NRXN1: variants seen among roughly 807,000 people sequenced by gnomAD.
NRXN1 encodes neurexin 1.
Under a neutral mutation model 150.9 loss-of-function variants are expected in NRXN1, and 39 were observed. The observed-to-expected ratio is 0.26, with a 90% CI of 0.20 to 0.34. NRXN1 has a LOEUF of 0.34. Ranked by LOEUF, NRXN1 falls within the 10% of genes least tolerant of loss-of-function variation. The pLI, the probability that NRXN1 is intolerant of heterozygous loss-of-function variation, is 1.00. For synonymous variants in NRXN1, 924 were observed against 757.0 expected (o/e 1.22, Z -3.62); for missense variants, 1,815 against 1,949.9 (o/e 0.93, Z 1.30).
At chr2:50,446,717 C>A (rs76967606) in intron 17 of NRXN1, among the ~76,000 whole-genome samples, 3,025 of 152,042 alleles carry the variant, frequency 0.02, 120 homozygotes, top group African/African-American at 0.071. Context: ...GAATTGAAAT[C>A]CTCCTTTAAA....
At chr2:50,424,881 A>C (rs201461595) in intron 17 of NRXN1, among the ~76,000 whole-genome samples, 2 of 152,144 alleles carry the variant, frequency 1.3e-5, no homozygotes, top group Non-Finnish European at 2.9e-5. Flanking sequence ...CGTATTGCAT[A>C]ATATTTTTCT....
intron 5 of NRXN1, chr2:50,631,293 A>C (rs1039946092): frequency 3.3e-6 from 1 of 300,278 alleles, no homozygotes; most frequent in African/African-American, 2.4e-5. Context: ...CTCGAGACCA[A>C]TCCAGAAATA....
intron 21 of NRXN1, among the ~76,000 whole-genome samples, chr2:49,995,350 G>A (rs1682756195): frequency 6.6e-6 from 1 of 152,074 alleles, no homozygotes; most frequent in African/African-American, 2.4e-5. Context: ...TAATTATAGG[G>A]GTGTTGAAAT....
chr2:50,130,058 T>G (rs747695047), intron 18 of NRXN1, among the ~76,000 whole-genome samples: 17 of 152,198 alleles, frequency 1.1e-4, no homozygotes, highest in Non-Finnish European at 1.6e-4. Flanking sequence ...AGCAGGTTAT[T>G]ATTCCCGTTT....
chr2:51,013,585 C>G (rs1313803668), intron 2 of NRXN1, among the ~76,000 whole-genome samples: 2 of 151,328 alleles, frequency 1.3e-5, no homozygotes, highest in East Asian at 4.0e-4. Flanking sequence ...ATTTACATAA[C>G]TACAGAACTG....
At chr2:50,740,340 C>T (rs556036254) in intron 5 of NRXN1, among the ~76,000 whole-genome samples, 1 of 152,178 alleles carries the variant, frequency 6.6e-6, no homozygotes, top group Non-Finnish European at 1.5e-5. Context: ...TACACCCACC[C>T]AGCATCCTAG....
chr2:50,470,572 C>T (rs181802452), intron 16 of NRXN1, among the ~76,000 whole-genome samples: 81 of 151,760 alleles, frequency 5.3e-4, no homozygotes, highest in Non-Finnish European at 4.0e-4. Flanking sequence ...CTAAATATAA[C>T]GACATTATTT....
chr2:50,651,070 T>G (rs1305420102), intron 5 of NRXN1, among the ~76,000 whole-genome samples: 1 of 152,024 alleles, frequency 6.6e-6, no homozygotes, highest in Non-Finnish European at 1.5e-5. Flanking sequence ...CAGGTTCTTT[T>G]AATAAGAAAC....
chr2:50,779,236 C>A (rs1214075953), intron 5 of NRXN1, among the ~76,000 whole-genome samples: 1 of 133,226 alleles, frequency 7.5e-6, no homozygotes, highest in African/African-American at 2.9e-5. Context: ...CATGTGTTCT[C>A]ACTGTGCAAC....
intron 21 of NRXN1, among the ~76,000 whole-genome samples, chr2:50,045,067 A>G (rs1441980534): frequency 6.6e-6 from 1 of 152,128 alleles, no homozygotes; most frequent in Non-Finnish European, 1.5e-5. Context: ...ATGCTGAATA[A>G]AGGCAGAGAA....
chr2:50,912,381 G>A (rs2104116991), intron 5 of NRXN1: 1 of 152,002 alleles, frequency 6.6e-6, no homozygotes, highest in Admixed American at 6.6e-5. Context: ...GTTACATATT[G>A]CATGTGATTT....
intron 5 of NRXN1, among the ~76,000 whole-genome samples, chr2:50,793,709 G>C (rs994884558): frequency 3.3e-5 from 5 of 152,078 alleles, no homozygotes; most frequent in Non-Finnish European, 7.4e-5. Flanking sequence ...TACTGAGTAA[G>C]AATAGCCATT....
chr2:50,342,096 A>G lies in NRXN1; in HGVS notation c.3365-105126T>C, dbSNP rs1325795208. Among the ~76,000 whole-genome samples the G allele has an allele frequency of 2.0e-5, 3 of 152,214 alleles. No individual in the cohort carries two copies. The East Asian group carries it at 5.8e-4, about 29-fold the overall frequency. The stretch of plus-strand genomic sequence containing the variant: ...CATCCTTATTATTCTCTGGTCCTCC[A>G]TGGTACCTGGTACACAAATACAAAC... On this transcript the variant is annotated intron_variant, in intron 17 of 22. Coordinates refer to ENST00000401669, the MANE Select transcript of NRXN1 (RefSeq NM_001330078.2).
chr2:50,369,227 C>G (rs2079828136), intron 17 of NRXN1, among the ~76,000 whole-genome samples: 1 of 151,746 alleles, frequency 6.6e-6, no homozygotes, highest in African/African-American at 2.4e-5. Context: ...AGACAAGGGT[C>G]TATAAAAGGA....
intron 17 of NRXN1, among the ~76,000 whole-genome samples, chr2:50,296,531 T>TATTATC (rs1414146831): frequency 2.0e-5 from 3 of 149,784 alleles, no homozygotes; most frequent in African/African-American, 5.0e-5. Context: ...TTATTATTAT[T>TATTATC]ATTATCATTA....
At chr2:50,644,862 T>C (rs559809534) in intron 5 of NRXN1, among the ~76,000 whole-genome samples, 73 of 148,364 alleles carry the variant, frequency 4.9e-4, no homozygotes, top group Middle Eastern at 7.3e-3. Context: ...TATAAGGATA[T>C]ATAAATAAAA....
chr2:50,665,127 G>A (rs1687836454), intron 5 of NRXN1, among the ~76,000 whole-genome samples: 1 of 151,884 alleles, frequency 6.6e-6, no homozygotes, highest in Admixed American at 6.6e-5. Context: ...AAATGAAAAA[G>A]AGATTAAAGA....
At chr2:49,955,520 T>C (rs1210452160) in intron 21 of NRXN1, among the ~76,000 whole-genome samples, 1 of 152,082 alleles carries the variant, frequency 6.6e-6, no homozygotes, top group Non-Finnish European at 1.5e-5. Context: ...CTTCCTGCTT[T>C]TATGAAGCAT....
At chr2:50,215,640 T>G (rs2063343143) in intron 18 of NRXN1, among the ~76,000 whole-genome samples, 1 of 152,074 alleles carries the variant, frequency 6.6e-6, no homozygotes, top group South Asian at 2.1e-4. Flanking sequence ...TTTCTGTACC[T>G]TTTGAAGTTG....
Sources: gnomAD v4.1 joint callset for allele counts (sites outside exome capture counted in the v4.1 genomes callset) on GRCh38, gnomAD v4.1.1 for gene constraint, MANE v1.5 for transcripts, NCBI Gene and HGNC (gene_info 2026-07-23, HGNC 2026-07-21) for gene names.